UBE2R2: variants seen among roughly 807,000 people sequenced by gnomAD.
UBE2R2 encodes ubiquitin conjugating enzyme E2 R2, also known as ubiquitin-conjugating enzyme E2 R2.
A neutral mutation model predicts 27.8 loss-of-function variants in UBE2R2; 1 was observed. That is an observed-to-expected ratio of 0.04 (90% CI 0.01 to 0.17). The LOEUF is 0.17. Ranked by LOEUF, UBE2R2 falls within the 10% of genes least tolerant of loss-of-function variation. The pLI is 1.00. For synonymous variants in UBE2R2, 106 were observed against 113.3 expected, an observed-to-expected ratio of 0.94 and a Z score of 0.41; for missense variants, 100 against 291.0, an observed-to-expected ratio of 0.34 and a Z score of 4.78.
At chr9:33,910,967 G>A (rs1223197595) in intron 3 of UBE2R2, among the ~76,000 whole-genome samples, 5 of 152,114 alleles carry the variant, frequency 3.3e-5, no homozygotes, top group Non-Finnish European at 7.4e-5. Context: ...GCCAGGCGTG[G>A]TAGTACAATG....
intron 1 of UBE2R2, among the ~76,000 whole-genome samples, chr9:33,818,967 G>A (rs1189792053): frequency 1.3e-5 from 2 of 152,036 alleles, no homozygotes; most frequent in Non-Finnish European, 2.9e-5. Flanking sequence ...TAACTCCAAG[G>A]TAGTTAACTT....
At chr9:33,895,544 A>G (rs1822083068) in intron 2 of UBE2R2, among the ~76,000 whole-genome samples, 1 of 152,192 alleles carries the variant, frequency 6.6e-6, no homozygotes, top group Non-Finnish European at 1.5e-5. Flanking sequence ...TTAAATTGCT[A>G]TATAAATTTT....
intron 3 of UBE2R2, among the ~76,000 whole-genome samples, chr9:33,908,947 G>A (rs917382858): frequency 1.3e-5 from 2 of 152,028 alleles, no homozygotes; most frequent in Non-Finnish European, 2.9e-5. Context: ...AGTGTGCTAT[G>A]ATCACGCCTA....
At chr9:33,817,986 C>G (rs1825849314) in intron 1 of UBE2R2, 52 bp downstream of exon 1, 1 of 1,575,362 alleles carries the variant, frequency 6.3e-7, no homozygotes, top group Non-Finnish European at 8.6e-7. Flanking sequence ...GCCTCCGGCT[C>G]CCCGCCGCTT....
At chr9:33,829,086 G>T (rs530757393) in intron 1 of UBE2R2, among the ~76,000 whole-genome samples, 1 of 152,074 alleles carries the variant, frequency 6.6e-6, no homozygotes, top group East Asian at 1.9e-4. Context: ...GGCCAGGCTG[G>T]GATTGAATTT....
chr9:33,859,894 C>T (rs904247766), intron 1 of UBE2R2, among the ~76,000 whole-genome samples: 21 of 151,388 alleles, frequency 1.4e-4, no homozygotes, highest in Non-Finnish European at 1.8e-4. Flanking sequence ...ACAGCTTCAA[C>T]CTCCTGGGCT....
chr9:33,842,290 A>C (rs563449917), intron 1 of UBE2R2, among the ~76,000 whole-genome samples: 1 of 152,186 alleles, frequency 6.6e-6, no homozygotes, highest in Non-Finnish European at 1.5e-5. Flanking sequence ...AGTCCCAGAT[A>C]CGCGGAAGGC....
intron 1 of UBE2R2, among the ~76,000 whole-genome samples, chr9:33,865,600 A>T (rs1821343537): frequency 6.6e-6 from 1 of 152,110 alleles, no homozygotes; most frequent in Admixed American, 6.6e-5. Flanking sequence ...TTACTGTAAC[A>T]CCCCATCCCA....
chr9:33,880,219 G>C (rs1041003986), intron 1 of UBE2R2, among the ~76,000 whole-genome samples: 1 of 152,062 alleles, frequency 6.6e-6, no homozygotes, highest in Middle Eastern at 3.2e-3. Context: ...TTAAGTAGAA[G>C]CTTATATTAT....
intron 4 of UBE2R2, among the ~76,000 whole-genome samples, chr9:33,914,526 T>TA (rs1369001061): frequency 6.6e-6 from 1 of 152,136 alleles, no homozygotes. Context: ...GAGGTGATGC[T>TA]ATTTGAGTTC....
chr9:33,886,812 G>GGT, intron 1 of UBE2R2, 69 bp from the exon 2 acceptor site: 1 of 1,299,184 alleles, frequency 7.7e-7, no homozygotes, highest in South Asian at 1.4e-5. Context: ...GCGTGTAGTA[G>GGT]GGTGAATTAT....
At chr9:33,816,736 C>T (rs1329455998), upstream of UBE2R2, among the ~76,000 whole-genome samples, 1 of 152,172 alleles carries the variant, frequency 6.6e-6, no homozygotes, top group African/African-American at 2.4e-5. Context: ...GGGGAGGGGC[C>T]TGCAGCGACC....
chr9:33,849,404 ATC>A (rs1820916101), intron 1 of UBE2R2, among the ~76,000 whole-genome samples: 1 of 152,164 alleles, frequency 6.6e-6, no homozygotes, highest in Non-Finnish European at 1.5e-5. Flanking sequence ...TTAAAGAAAT[ATC>A]TGTTATATAT....
chr9:33,818,385 G>A (rs576167879), intron 1 of UBE2R2, among the ~76,000 whole-genome samples: 1 of 124,074 alleles, frequency 8.1e-6, no homozygotes, highest in South Asian at 3.0e-4. Flanking sequence ...GGGTGGGGGT[G>A]GGGTGGGGGA....
In UBE2R2 at chr9:33,817,602, C is replaced by A; in HGVS notation, c.-156C>A. 1.1e-6 allele frequency: 1 copy of A among 886,228 alleles called. No individual in the cohort carries two copies. Among genetic ancestry groups the A allele is most frequent in the Middle Eastern group, 4.8e-4 (1 of 2,076 alleles). 54.9% of individuals were successfully genotyped at this position (886,228 alleles called of 1,614,324 possible). A position where few individuals can be genotyped will look rare whatever the true frequency, so the allele number is the denominator to read the frequency against. On this transcript the variant is annotated 5_prime_UTR_variant, in exon 1 of 5. Coordinates refer to ENST00000263228, the MANE Select transcript of UBE2R2 (RefSeq NM_017811.4). ...GGAGGACCCCGGGCGGGCCCACGGG[C>A]CGTGTGGGGCCTGGTCTGGCCCGCC...
At chr9:33,886,326 G>A (rs558947974) in intron 1 of UBE2R2, among the ~76,000 whole-genome samples, 1 of 151,598 alleles carries the variant, frequency 6.6e-6, no homozygotes, top group Non-Finnish European at 1.5e-5. Context: ...GTATGTTTGT[G>A]TATGTGAGTG....
At chr9:33,819,380 G>C (rs958938490) in intron 1 of UBE2R2, among the ~76,000 whole-genome samples, 3 of 152,310 alleles carry the variant, frequency 2.0e-5, no homozygotes, top group African/African-American at 7.2e-5. Flanking sequence ...TAGTCACTGA[G>C]TACCTAGGAA....
chr9:33,896,085 T>C (rs1822099282), intron 2 of UBE2R2, among the ~76,000 whole-genome samples: 1 of 152,114 alleles, frequency 6.6e-6, no homozygotes, highest in Admixed American at 6.6e-5. Context: ...ATCTATTCTT[T>C]TAAATGACAA....
At chr9:33,824,403 G>A (rs1174560945) in intron 1 of UBE2R2, among the ~76,000 whole-genome samples, 4 of 152,004 alleles carry the variant, frequency 2.6e-5, no homozygotes, top group Admixed American at 6.6e-5. Context: ...TTGGGAGGCC[G>A]AGGCGGGCGG....
Sources: gnomAD v4.1 joint callset for allele counts (sites outside exome capture counted in the v4.1 genomes callset) on GRCh38, gnomAD v4.1.1 for gene constraint, MANE v1.5 for transcripts, NCBI Gene and HGNC (gene_info 2026-07-23, HGNC 2026-07-21) for gene names.